FAM222B: variants seen among roughly 807,000 people sequenced by gnomAD.
The protein encoded by FAM222B is protein FAM222B.
A neutral mutation model predicts 38.0 loss-of-function variants in FAM222B; 12 were observed. The ratio of observed to expected loss-of-function variants is 0.32; its 90% confidence interval spans 0.20 to 0.51. FAM222B has a LOEUF of 0.51. Ranked by LOEUF, FAM222B falls within the 20% of genes least tolerant of loss-of-function variation. The pLI is 0.97. For synonymous variants in FAM222B, 329 were observed against 317.2 expected (o/e 1.04, Z -0.40); for missense variants, 716 against 754.2 (o/e 0.95, Z 0.59).
intron 1 of FAM222B, among the ~76,000 whole-genome samples, chr17:28,794,593 ATAAAAT>A (rs1412232540): frequency 1.3e-5 from 2 of 152,148 alleles, no homozygotes; most frequent in East Asian, 3.9e-4. Flanking sequence ...AAAAATCCAA[ATAAAAT>A]TAAAATTTTA....
chr17:28,786,070 G>C (rs983860511), intron 1 of FAM222B, among the ~76,000 whole-genome samples: 3 of 151,062 alleles, frequency 2.0e-5, no homozygotes, highest in Non-Finnish European at 4.4e-5. Context: ...CTCACCTCGT[G>C]ATCTATCCAC....
At chr17:28,835,021 ATT>A (rs2038790308) in intron 1 of FAM222B, among the ~76,000 whole-genome samples, 1 of 57,732 alleles carries the variant, frequency 1.7e-5, no homozygotes, top group African/African-American at 6.0e-5. Context: ...CACTCAGCTA[ATT>A]TTGTGTGTGT....
At chr17:28,775,453 A>G (rs1009059226) in intron 1 of FAM222B, among the ~76,000 whole-genome samples, 1 of 117,968 alleles carries the variant, frequency 8.5e-6, no homozygotes, top group Non-Finnish European at 1.9e-5. Context: ...CCTTCCTTTC[A>G]CTGCCTTCAA....
chr17:28,844,746 T>C (rs1363514243), upstream of FAM222B, among the ~76,000 whole-genome samples: 1 of 152,132 alleles, frequency 6.6e-6, no homozygotes, highest in East Asian at 1.9e-4. Flanking sequence ...GGAGGATTGC[T>C]TGAGCCCAGG....
intron 1 of FAM222B, chr17:28,854,843 C>T (rs921751946): frequency 1.3e-5 from 8 of 596,240 alleles, no homozygotes; most frequent in African/African-American, 1.3e-4. Context: ...CTTGCACAGA[C>T]TCTAAATACA....
chr17:28,783,788 G>A (rs1007145128), intron 1 of FAM222B, among the ~76,000 whole-genome samples: 3 of 151,254 alleles, frequency 2.0e-5, no homozygotes, highest in Admixed American at 6.6e-5. Context: ...TAGGATTATA[G>A]GTATGAGCCA....
chr17:28,762,804 G>A (rs536063988), intron 2 of FAM222B, among the ~76,000 whole-genome samples: 2 of 151,558 alleles, frequency 1.3e-5, no homozygotes, highest in Non-Finnish European at 2.9e-5. Flanking sequence ...GCCGGGCATG[G>A]TGGCAGGTGC....
At chr17:28,766,448 A>G in intron 2 of FAM222B, 138 bp downstream of exon 2, 2 of 692,658 alleles carry the variant, frequency 2.9e-6, no homozygotes, top group South Asian at 1.9e-5. Context: ...CAAGAGCAAG[A>G]CTTCGTCTTA....
chr17:28,765,171 C>G (rs2151778531), intron 2 of FAM222B, among the ~76,000 whole-genome samples: 2 of 152,296 alleles, frequency 1.3e-5, no homozygotes, highest in East Asian at 3.9e-4. Flanking sequence ...GGCCAAATTC[C>G]AGAACTAGCC....
chr17:28,774,786 AC>A (rs1384977810), intron 1 of FAM222B, among the ~76,000 whole-genome samples: 1 of 151,690 alleles, frequency 6.6e-6, no homozygotes, highest in Non-Finnish European at 1.5e-5. Context: ...TACTAAAAAT[AC>A]AAAAATTAGC....
intron 1 of FAM222B, among the ~76,000 whole-genome samples, chr17:28,853,239 C>T (rs1403488812): frequency 1.3e-5 from 2 of 150,576 alleles, no homozygotes; most frequent in Non-Finnish European, 1.5e-5. Context: ...AGCGGCAGGT[C>T]TGTAGTCACA....
At chr17:28,828,992 G>A (rs916193586) in intron 1 of FAM222B, among the ~76,000 whole-genome samples, 14 of 151,628 alleles carry the variant, frequency 9.2e-5, no homozygotes, top group Non-Finnish European at 1.6e-4. Flanking sequence ...TGCAACCTCC[G>A]ACTCCCGGGT....
At chr17:28,789,726 C>T (rs576964843) in intron 1 of FAM222B, among the ~76,000 whole-genome samples, 1 of 152,312 alleles carries the variant, frequency 6.6e-6, no homozygotes, top group East Asian at 1.9e-4. Flanking sequence ...GGAACCAAGG[C>T]TCCTTGGAGA....
At chr17:28,797,057 C>T (rs1484541583) in intron 1 of FAM222B, among the ~76,000 whole-genome samples, 2 of 126,306 alleles carry the variant, frequency 1.6e-5, no homozygotes, top group South Asian at 2.7e-4. Flanking sequence ...GGCTAGAGTA[C>T]AATGGTGCGA....
intron 1 of FAM222B, among the ~76,000 whole-genome samples, chr17:28,768,628 G>A (rs967322484): frequency 6.6e-6 from 1 of 152,006 alleles, no homozygotes; most frequent in African/African-American, 2.4e-5. Flanking sequence ...CCTGAGGTCA[G>A]GAGTTCGAGA....
chr17:28,826,023 C>T (rs2038427119), intron 1 of FAM222B, among the ~76,000 whole-genome samples: 1 of 151,954 alleles, frequency 6.6e-6, no homozygotes, highest in South Asian at 2.1e-4. Flanking sequence ...ATCTGCCCAC[C>T]TCGGCCTCCC....
intron 2 of FAM222B, chr17:28,761,965 C>T (rs2035094720): frequency 6.6e-6 from 1 of 152,052 alleles, no homozygotes; most frequent in Admixed American, 6.6e-5. Flanking sequence ...CCTTGAAATC[C>T]AAGTAGAAGT....
At chr17:28,774,689 G>A (rs898871579) in intron 1 of FAM222B, among the ~76,000 whole-genome samples, 2 of 152,148 alleles carry the variant, frequency 1.3e-5, no homozygotes, top group Non-Finnish European at 2.9e-5. Flanking sequence ...GACCACCTGT[G>A]CCTTCAGGGT....
intron 1 of FAM222B, among the ~76,000 whole-genome samples, chr17:28,817,187 G>A (rs1455410732): frequency 6.6e-6 from 1 of 151,610 alleles, no homozygotes; most frequent in Non-Finnish European, 1.5e-5. Flanking sequence ...CCGAGCAGAT[G>A]GATCAACTGA....
Sources: gnomAD v4.1 joint callset for allele counts (sites outside exome capture counted in the v4.1 genomes callset) on GRCh38, gnomAD v4.1.1 for gene constraint, MANE v1.5 for transcripts, NCBI Gene and HGNC (gene_info 2026-07-23, HGNC 2026-07-21) for gene names.